The following DNAH8 variants were observed in gnomAD, a reference collection of about 807,000 sequenced individuals.
DNAH8 encodes dynein axonemal heavy chain 8.
In DNAH8, 382 loss-of-function variants were observed where a neutral mutation model predicts 562.1. The ratio of observed to expected loss-of-function variants is 0.68; its 90% CI spans 0.63 to 0.74. The LOEUF (loss-of-function observed/expected upper bound fraction) is 0.74. Among genes scored for constraint, DNAH8 ranks in the 30% least tolerant of loss-of-function variants. The probability of loss-of-function intolerance (pLI) is 0.00; values close to 1 mark genes in which losing one functional copy is unlikely to be tolerated. For missense variants in DNAH8, 5,203 were observed against 5,620.4 expected (o/e 0.93, Z 2.37); for synonymous variants, 1,881 against 1,919.4 (o/e 0.98, Z 0.52).
chr6:38,899,655 A>T, intron 61 of DNAH8, 121 bp from the exon 62 acceptor site: 3 of 1,052,666 alleles, frequency 2.8e-6, no homozygotes, highest in Non-Finnish European at 2.8e-6. Flanking sequence ...ATAGACCATT[A>T]ACGAGGAAAA....
intron 91 of DNAH8, among the ~76,000 whole-genome samples, chr6:39,016,704 C>T (rs559369289): frequency 7.9e-5 from 12 of 152,284 alleles, no homozygotes; most frequent in Middle Eastern, 6.8e-3. Context: ...GCTTTATTCA[C>T]GTGTGATTGC....
rs140192714 is a variant in DNAH8 at position 38,785,705 on chromosome 6, T to C, written c.2396-1060T>C. ...TGTCCATGTGTTCTCATTGTTCAAC[T>C]CCCACTTATGAGTGAGAACATGCAG... On this transcript the variant is annotated intron_variant, in intron 17 of 92. Transcript: ENST00000327475. Among the ~76,000 whole-genome samples the C allele has an allele frequency of 0.014, 2,074 of 151,450 alleles. 114 individuals are homozygous for C. The East Asian group carries it at 0.15, about 11-fold the overall frequency.
chr6:38,725,991 C>T (rs1476565835), intron 3 of DNAH8, among the ~76,000 whole-genome samples: 1 of 152,152 alleles, frequency 6.6e-6, no homozygotes, highest in Non-Finnish European at 1.5e-5. Context: ...TCTAGCCTCT[C>T]TAAGCAATTG....
Position 38,907,942 on chromosome 6 carries a change from T to C in DNAH8, c.9349-14T>C. 6.3e-7 allele frequency: 1 copy of C among 1,576,646 alleles called. No homozygotes were observed. The highest frequency in any genetic ancestry group is 2.3e-5 in the East Asian group (1 of 43,110). On this transcript the variant is annotated splice_polypyrimidine_tract_variant and intron_variant, in intron 63 of 92. Coordinates refer to ENST00000327475, the MANE Select transcript of DNAH8 (RefSeq NM_001206927.2). ...TCTTAAAACACAGAACACTTCCTTGTCCATTCCTTAAAGATCTCCAACTTG... is the reference window on the plus strand; with the variant it reads ...TCTTAAAACACAGAACACTTCCTTGCCCATTCCTTAAAGATCTCCAACTTG...
intron 1 of DNAH8, among the ~76,000 whole-genome samples, chr6:38,715,860 A>G (rs79013531): frequency 0.053 from 5,699 of 106,864 alleles, 300 homozygotes; most frequent in Non-Finnish European, 0.066. Flanking sequence ...ACCACTATCC[A>G]ATGCATCCAT....
chr6:38,825,554 C>T (rs1773237982), intron 28 of DNAH8, among the ~76,000 whole-genome samples: 1 of 152,110 alleles, frequency 6.6e-6, no homozygotes, highest in Non-Finnish European at 1.5e-5. Context: ...TTCTTCTTCC[C>T]TCTGTGCATG....
chr6:39,018,747 A>C (rs1766714177), intron 91 of DNAH8, among the ~76,000 whole-genome samples: 1 of 152,204 alleles, frequency 6.6e-6, no homozygotes, highest in East Asian at 1.9e-4. Flanking sequence ...GAGGGAAACC[A>C]GGACAGCATG....
At position 38,982,388 on chromosome 6, in the gene DNAH8, G is replaced by A. The variant is rs773290369; in HGVS notation, c.12877G>A (p.Glu4293Lys). 2.1e-5 allele frequency: 34 copies of A among 1,611,794 alleles called. No individual in the cohort carries two copies. The South Asian group carries it at 3.0e-4, about 14-fold the overall frequency. The change falls in exon 86 of 93, where the codon GAA becomes AAA. Residue 4293 changes from glutamate (E) to lysine (K), a missense_variant. Glu to Lys is a moderately conservative substitution (Grantham distance 56). Coordinates refer to ENST00000327475, the MANE Select transcript of DNAH8 (RefSeq NM_001206927.2). Reference sequence around the variant, plus strand: ...CCCCTTAGGATGGAATATTCCCTACGAATTCAATTCTGCTGACTTTTCAGC... The same window carrying A: ...CCCCTTAGGATGGAATATTCCCTACAAATTCAATTCTGCTGACTTTTCAGC... The part of the protein sequence containing the change: ...FGPLGWNIPY[E>K]FNSADFSASV...
intron 89 of DNAH8, 107 bp from the exon 90 acceptor site, chr6:39,012,108 G>A (rs1766249952): frequency 3.9e-6 from 3 of 775,466 alleles, no homozygotes; most frequent in African/African-American, 1.7e-5. Context: ...ATTTGGGCTG[G>A]TAGAGATACA....
chr6:39,003,794 C>G (rs1765629836), intron 88 of DNAH8, among the ~76,000 whole-genome samples: 1 of 152,118 alleles, frequency 6.6e-6, no homozygotes, highest in Admixed American at 6.5e-5. Context: ...TCTTTGTACA[C>G]TTGTCTGATT....
intron 30 of DNAH8, 29 bp downstream of exon 30, chr6:38,828,317 T>G (rs771666233): frequency 1.5e-6 from 2 of 1,367,684 alleles, no homozygotes; most frequent in South Asian, 2.7e-5. Flanking sequence ...ACATTATTTT[T>G]TCTTAAGTCA....
chr6:38,888,905 T>G (rs1192861040), intron 57 of DNAH8, among the ~76,000 whole-genome samples: 1 of 152,240 alleles, frequency 6.6e-6, no homozygotes, highest in African/African-American at 2.4e-5. Context: ...GTCATTTTTT[T>G]CCTTTATGGT....
chr6:38,979,109 C>T (rs778261642), intron 85 of DNAH8, among the ~76,000 whole-genome samples: 6 of 152,226 alleles, frequency 3.9e-5, no homozygotes, highest in Non-Finnish European at 8.8e-5. Context: ...ATTTGTGTTC[C>T]TAGTTTTGCT....
chr6:38,856,843 G>C (rs1475702177), intron 41 of DNAH8, among the ~76,000 whole-genome samples: 2 of 152,132 alleles, frequency 1.3e-5, no homozygotes, highest in Non-Finnish European at 2.9e-5. Flanking sequence ...CTGGATGAAT[G>C]AGAGCTCCTG....
intron 32 of DNAH8, among the ~76,000 whole-genome samples, chr6:38,835,805 A>G (rs1000562689): frequency 1.3e-5 from 2 of 152,106 alleles, no homozygotes; most frequent in Admixed American, 6.6e-5. Context: ...AAGGAGTCTG[A>G]ATTCTATCTT....
chr6:38,759,726 C>T (rs1395073586), intron 10 of DNAH8, among the ~76,000 whole-genome samples: 1 of 152,080 alleles, frequency 6.6e-6, no homozygotes, highest in Non-Finnish European at 1.5e-5. Flanking sequence ...TTTCATTCCC[C>T]CCAACCCCCC....
Position 38,857,842 on chromosome 6 carries a change from C to T in DNAH8, c.5958+100C>T, listed in dbSNP as rs1273541006. 1.8e-5 allele frequency: 13 copies of T among 737,778 alleles called. No homozygotes were observed. In the East Asian group the frequency reaches 1.9e-4, roughly 11 times the overall value. The allele number at this position is 737,778 out of a possible 1,614,324, so 45.7% of individuals were successfully genotyped here. On this transcript the variant is annotated intron_variant, in intron 42 of 92. Transcript: ENST00000327475. ...TACATGAACTTTCCATTTACTTGGTCCTTTTTCATAACTGTCCATCAATAT... is the reference window on the plus strand; with the variant it reads ...TACATGAACTTTCCATTTACTTGGTTCTTTTTCATAACTGTCCATCAATAT...
At chr6:38,820,157 G>A (rs1240654878) in intron 26 of DNAH8, among the ~76,000 whole-genome samples, 1 of 152,118 alleles carries the variant, frequency 6.6e-6, no homozygotes, top group Non-Finnish European at 1.5e-5. Context: ...AAGGTAGGGG[G>A]TCCTGCCCTG....
chr6:38,772,814 T>G (rs1767696525), intron 12 of DNAH8, among the ~76,000 whole-genome samples: 1 of 151,576 alleles, frequency 6.6e-6, no homozygotes, highest in African/African-American at 2.4e-5. Context: ...TTTTAAACAT[T>G]TTTATTTATT....
Sources: gnomAD v4.1 joint callset for allele counts (sites outside exome capture counted in the v4.1 genomes callset) on GRCh38, gnomAD v4.1.1 for gene constraint, MANE v1.5 for transcripts, NCBI Gene and HGNC (gene_info 2026-07-23, HGNC 2026-07-21) for gene names.